The following ITGA4 variants were observed in gnomAD, a reference collection of about 807,000 sequenced individuals.
ITGA4 encodes integrin alpha-4.
ITGA4 carries 63 observed loss-of-function variants against 133.6 expected under a neutral mutation model. The ratio of observed to expected loss-of-function variants is 0.47; its 90% CI spans 0.38 to 0.58. ITGA4 has a LOEUF of 0.58. Among genes scored for constraint, ITGA4 ranks in the 20% least tolerant of loss-of-function variants. ITGA4 has a pLI of 0.00. For synonymous variants in ITGA4, 483 were observed against 438.0 expected, an observed-to-expected ratio of 1.10 and a Z score of -1.28; for missense variants, 1,076 against 1,252.7, an observed-to-expected ratio of 0.86 and a Z score of 2.13.
intron 4 of ITGA4, chr2:181,476,004 C>T (rs1196902836): frequency 8.7e-7 from 1 of 1,147,802 alleles, no homozygotes; most frequent in Non-Finnish European, 1.1e-6. Context: ...AAAAATCCCT[C>T]AGCACGCAAA....
chr2:181,492,132 T>G, intron 10 of ITGA4, among the ~76,000 whole-genome samples: 1 of 152,260 alleles, frequency 6.6e-6, no homozygotes, highest in East Asian at 1.9e-4. Flanking sequence ...TCCTGGCAAT[T>G]GCCTGGAATA....
At chr2:181,498,433 A>AT in intron 14 of ITGA4, 190 bp from the exon 15 acceptor site, 1 of 351,280 alleles carries the variant, frequency 2.8e-6, no homozygotes, top group Non-Finnish European at 5.1e-6. Flanking sequence ...TATAAAAGCA[A>AT]TTTTTAAAAT....
At chr2:181,511,471 T>C (rs1335785538) in intron 16 of ITGA4, among the ~76,000 whole-genome samples, 2 of 152,098 alleles carry the variant, frequency 1.3e-5, no homozygotes, top group African/African-American at 2.4e-5. Flanking sequence ...ATTTGGGCTT[T>C]AAATTTTACC....
chr2:181,494,608 G>A, intron 11 of ITGA4, 114 bp from the exon 12 acceptor site: 1 of 680,560 alleles, frequency 1.5e-6, no homozygotes, highest in Non-Finnish European at 2.7e-6. Context: ...ATGCAGCTTT[G>A]TTAGTAGATG....
chr2:181,471,365 C>T (rs190500865), intron 2 of ITGA4, among the ~76,000 whole-genome samples: 139 of 152,246 alleles, frequency 9.1e-4, no homozygotes, highest in Admixed American at 9.1e-3. Context: ...TCACTATTTA[C>T]TAAGCCTTGG....
intron 25 of ITGA4, among the ~76,000 whole-genome samples, chr2:181,533,450 C>T (rs1022074051): frequency 8.5e-5 from 13 of 152,130 alleles, no homozygotes; most frequent in Non-Finnish European, 1.5e-4. Context: ...CATCAGTGGC[C>T]ATAATTGGCA....
intron 4 of ITGA4, among the ~76,000 whole-genome samples, chr2:181,475,593 G>A (rs973054113): frequency 6.6e-6 from 1 of 152,100 alleles, no homozygotes; most frequent in Non-Finnish European, 1.5e-5. Context: ...GCAAATATAG[G>A]ACATTTAAAT....
intron 2 of ITGA4, 199 bp downstream of exon 2, chr2:181,458,516 C>T: frequency 4.8e-6 from 3 of 618,738 alleles, no homozygotes; most frequent in Non-Finnish European, 8.5e-6. Flanking sequence ...TCTCCCTTTT[C>T]CTTATGGCAA....
chr2:181,524,080 A>C lies in ITGA4; in HGVS notation c.2170-91A>C, dbSNP rs527628070. 6.4e-6 allele frequency: 5 copies of C among 784,186 alleles called. No homozygotes were observed. The East Asian group carries it at 1.1e-4, about 18-fold the overall frequency. The allele number at this position is 784,186 out of a possible 1,614,324, so 48.6% of individuals were successfully genotyped here. ...TTACAATGGTTCAATTCTACATTCC[A>C]TAGAACATAAACTTTTAAGAAAAAA... On this transcript the variant is annotated intron_variant, in intron 19 of 27. Coordinates refer to ENST00000397033, the MANE Select transcript of ITGA4 (RefSeq NM_000885.6).
intron 17 of ITGA4, among the ~76,000 whole-genome samples, chr2:181,514,733 C>G (rs1686573100): frequency 6.6e-6 from 1 of 152,126 alleles, no homozygotes; most frequent in South Asian, 2.1e-4. Context: ...GTGCTATCAC[C>G]TTTCATTGCA....
intron 10 of ITGA4, among the ~76,000 whole-genome samples, chr2:181,488,399 G>C (rs1276394747): frequency 1.3e-5 from 2 of 151,990 alleles, no homozygotes; most frequent in African/African-American, 4.8e-5. Flanking sequence ...TGTCTGGAAG[G>C]TTATTATGCA....
intron 21 of ITGA4, among the ~76,000 whole-genome samples, chr2:181,525,529 T>A (rs562770076): frequency 1.1e-3 from 162 of 152,288 alleles, no homozygotes; most frequent in African/African-American, 3.0e-3. Context: ...TTTCTTACTG[T>A]GAGAGCCCCA....
chr2:181,493,221 A>G, intron 10 of ITGA4, 104 bp from the exon 11 acceptor site: 1 of 666,976 alleles, frequency 1.5e-6, no homozygotes, highest in Non-Finnish European at 2.6e-6. Flanking sequence ...TTCATAAAAG[A>G]GAGTTTTCTT....
chr2:181,506,325 G>A (rs1686391522), intron 15 of ITGA4, among the ~76,000 whole-genome samples: 1 of 151,946 alleles, frequency 6.6e-6, no homozygotes, highest in African/African-American at 2.4e-5. Context: ...ATCTTGTCAG[G>A]TCTGCTTTAT....
chr2:181,528,588 C>A (rs536734797), intron 22 of ITGA4, among the ~76,000 whole-genome samples: 25 of 152,290 alleles, frequency 1.6e-4, no homozygotes, highest in African/African-American at 5.3e-4. Context: ...ATCCAGAAGA[C>A]CTTGTCTGTA....
At chr2:181,535,405 C>T in intron 27 of ITGA4, 27 bp from the exon 28 acceptor site, 1 of 1,540,176 alleles carries the variant, frequency 6.5e-7, no homozygotes, top group Non-Finnish European at 8.9e-7. Context: ...TAACTATACA[C>T]TAGTGATTAT....
rs778442367 is a variant in ITGA4 at position 181,457,692 on chromosome 2, G to A, written c.38G>A (p.Arg13Lys). The A allele has an allele frequency of 6.2e-6, 10 of 1,611,780 alleles. No homozygotes were observed. Among genetic ancestry groups the A allele is most frequent in the South Asian group, 4.4e-5 (4 of 90,844 alleles). The change falls in exon 1 of 28, where the codon AGG (arginine) becomes AAG (lysine). Residue 13 changes from arginine (R) to lysine (K), a missense_variant. Transcript: ENST00000397033. ...WEARREPGPR[R>K]AAVRETVMLL... ...GCGAGGCGCGAACCCGGCCCCCGAA[G>A]GGCCGCCGTCCGGGAGACGGTGATG...
chr2:181,469,929 G>C (rs575645547), intron 2 of ITGA4, among the ~76,000 whole-genome samples: 4 of 152,040 alleles, frequency 2.6e-5, no homozygotes, highest in Non-Finnish European at 4.4e-5. Flanking sequence ...GTGGGGGGAT[G>C]GGGGAGGGAT....
In ITGA4 at chr2:181,536,835, T is replaced by C. The variant is rs927507608; in HGVS notation, c.*1308T>C. Reference sequence around the variant, plus strand: ...ATTGCAGAATATCATTTTATCTGACTCTGCCTTCATAAGAGAGCTGTGGCC... The same window carrying C: ...ATTGCAGAATATCATTTTATCTGACCCTGCCTTCATAAGAGAGCTGTGGCC... On this transcript the variant is annotated 3_prime_UTR_variant, in exon 28 of 28. Coordinates refer to ENST00000397033, the MANE Select transcript of ITGA4 (RefSeq NM_000885.6). 5.3e-6 allele frequency: 2 copies of C among 376,590 alleles called. No individual in the cohort carries two copies. The highest frequency in any genetic ancestry group is 2.1e-5 in the African/African-American group (1 of 47,810). The allele number at this position is 376,590 out of a possible 1,614,324, so 23.3% of individuals were successfully genotyped here.
Sources: allele counts gnomAD v4.1 joint callset (sites outside exome capture counted in the v4.1 genomes callset), GRCh38; gene constraint gnomAD v4.1.1; transcripts MANE v1.5; gene names NCBI Gene and HGNC (gene_info 2026-07-23, HGNC 2026-07-21).